The following FYN variants were observed in gnomAD, a reference collection of about 807,000 sequenced individuals.
FYN encodes the protein tyrosine-protein kinase Fyn.
Under a neutral mutation model 70.2 loss-of-function variants are expected in FYN, and 10 were observed. The ratio of observed to expected loss-of-function variants is 0.14; its 90% CI spans 0.09 to 0.24. The LOEUF is 0.24. Among genes scored for constraint, FYN ranks in the 10% least tolerant of loss-of-function variants. FYN has a pLI of 1.00. For synonymous variants in FYN, 236 were observed against 248.6 expected, an observed-to-expected ratio of 0.95 and a Z score of 0.48; for missense variants, 319 against 673.1, an observed-to-expected ratio of 0.47 and a Z score of 5.82.
intron 3 of FYN, among the ~76,000 whole-genome samples, chr6:111,725,266 G>A (rs1263309672): frequency 6.6e-6 from 1 of 152,182 alleles, no homozygotes; most frequent in Non-Finnish European, 1.5e-5. Flanking sequence ...TCATTACTGG[G>A]AGCAGAAGGA....
intron 2 of FYN, among the ~76,000 whole-genome samples, chr6:111,843,690 C>G (rs1430626453): frequency 6.6e-6 from 1 of 152,164 alleles, no homozygotes; most frequent in Non-Finnish European, 1.5e-5. Context: ...TCCACTCATT[C>G]ATGCCTGCTC....
chr6:111,812,340 A>T (rs1772351932), intron 2 of FYN, among the ~76,000 whole-genome samples: 1 of 152,164 alleles, frequency 6.6e-6, no homozygotes, highest in Non-Finnish European at 1.5e-5. Context: ...GGACTCTTTC[A>T]TCTAAATGGA....
intron 13 of FYN, among the ~76,000 whole-genome samples, chr6:111,667,301 T>C (rs1798054637): frequency 6.6e-6 from 1 of 152,210 alleles, no homozygotes; most frequent in Admixed American, 6.5e-5. Context: ...TGCAGTGGCA[T>C]GATCATGGCT....
intron 1 of FYN, among the ~76,000 whole-genome samples, chr6:111,866,795 TC>T (rs1297930071): frequency 1.3e-5 from 2 of 152,224 alleles, no homozygotes; most frequent in Non-Finnish European, 2.9e-5. Flanking sequence ...TCTCTAAGAT[TC>T]CATGGCCTGT....
intron 2 of FYN, among the ~76,000 whole-genome samples, chr6:111,841,709 A>G (rs954583857): frequency 9.9e-5 from 15 of 152,044 alleles, no homozygotes; most frequent in African/African-American, 2.9e-4. Flanking sequence ...CGCTGAAAAT[A>G]TTGTTATCTG....
intron 8 of FYN, among the ~76,000 whole-genome samples, chr6:111,701,825 C>T (rs189342046): frequency 1.3e-4 from 20 of 152,230 alleles, no homozygotes; most frequent in Non-Finnish European, 2.1e-4. Context: ...CCACATAAAC[C>T]GAGTTAGCCA....
At chr6:111,797,828 T>G (rs1450098523) in intron 2 of FYN, among the ~76,000 whole-genome samples, 1 of 151,868 alleles carries the variant, frequency 6.6e-6, no homozygotes, top group African/African-American at 2.4e-5. Context: ...AGTGGCACGA[T>G]CTTGGCTCAC....
chr6:111,707,933 G>C lies in FYN; in HGVS notation c.432C>G (p.Ile144Met). ...AAAATGAAACATACTCTTCTGCCTG[G>C]ATAGAGTCAACTGGAGCCACATAAT... ...PSNYVAPVDSIQAEEWYFGKL... is the reference protein window; with the variant it reads ...PSNYVAPVDSMQAEEWYFGKL... Residue 144 changes from isoleucine (I) to methionine (M), a missense_variant, in exon 6 of 14, where the codon ATC becomes ATG. By Grantham distance (10) the Ile-to-Met change is conservative. Around this residue, in one of 4 missense-constraint regions of FYN, gnomAD observed 128 missense variants for 183.9 expected, o/e 0.70. Coordinates refer to ENST00000354650, the MANE Select transcript of FYN (RefSeq NM_002037.5). 6.2e-7 allele frequency: 1 copy of C among 1,612,756 alleles called. No individual in the cohort carries two copies. Among genetic ancestry groups the C allele is most frequent in the Non-Finnish European group, 8.5e-7 (1 of 1,178,814 alleles).
intron 2 of FYN, among the ~76,000 whole-genome samples, chr6:111,781,439 G>A (rs1335165839): frequency 6.6e-6 from 1 of 152,130 alleles, no homozygotes; most frequent in African/African-American, 2.4e-5. Flanking sequence ...AACTCTCATG[G>A]CTGCACAAGG....
intron 3 of FYN, among the ~76,000 whole-genome samples, chr6:111,721,526 C>G (rs992039814): frequency 1.1e-4 from 17 of 152,090 alleles, no homozygotes; most frequent in African/African-American, 2.9e-4. Context: ...GCCTCAGCCT[C>G]ACAAGTAGCT....
intron 3 of FYN, among the ~76,000 whole-genome samples, chr6:111,725,854 T>C (rs1459487077): frequency 6.6e-6 from 1 of 152,146 alleles, no homozygotes; most frequent in Non-Finnish European, 1.5e-5. Context: ...AATGATGGGG[T>C]AGTCACTCCA....
At chr6:111,767,234 A>C (rs2128497574) in intron 3 of FYN, among the ~76,000 whole-genome samples, 1 of 152,300 alleles carries the variant, frequency 6.6e-6, no homozygotes, top group Admixed American at 6.5e-5. Flanking sequence ...AGGTATATTG[A>C]AAAACAAGAG....
chr6:111,732,582 AG>A (rs1177279566), intron 3 of FYN, among the ~76,000 whole-genome samples: 1 of 152,192 alleles, frequency 6.6e-6, no homozygotes, highest in Non-Finnish European at 1.5e-5. Context: ...CCATCATAAT[AG>A]CTTTAGTGAG....
chr6:111,744,473 T>G (rs1802119450), intron 3 of FYN, among the ~76,000 whole-genome samples: 1 of 152,218 alleles, frequency 6.6e-6, no homozygotes, highest in Non-Finnish European at 1.5e-5. Flanking sequence ...CTTCAGGCCT[T>G]AGGGAGGGCA....
chr6:111,671,081 T>C (rs1437401912), intron 13 of FYN, among the ~76,000 whole-genome samples: 1 of 152,188 alleles, frequency 6.6e-6, no homozygotes, highest in Non-Finnish European at 1.5e-5. Flanking sequence ...TGGAACTGCA[T>C]CCATACTTGT....
chr6:111,797,131 T>C (rs1046512096), intron 2 of FYN, among the ~76,000 whole-genome samples: 1 of 152,176 alleles, frequency 6.6e-6, no homozygotes, highest in Non-Finnish European at 1.5e-5. Context: ...GTCTCAGTAG[T>C]GGAGGATAGA....
chr6:111,743,962 CG>C (rs1253676872), intron 3 of FYN, among the ~76,000 whole-genome samples: 2 of 152,270 alleles, frequency 1.3e-5, no homozygotes, highest in South Asian at 2.1e-4. Flanking sequence ...GTCTCCAAGC[CG>C]ATGAGCTGTC....
chr6:111,829,384 C>T (rs534416991), intron 2 of FYN, among the ~76,000 whole-genome samples: 6 of 152,286 alleles, frequency 3.9e-5, no homozygotes, highest in South Asian at 2.1e-4. Context: ...TAATTAGAAA[C>T]ATTTGTAAAA....
chr6:111,665,136 A>G (rs1287476109), intron 13 of FYN, among the ~76,000 whole-genome samples: 1 of 152,160 alleles, frequency 6.6e-6, no homozygotes, highest in African/African-American at 2.4e-5. Flanking sequence ...AGTGTTTTAA[A>G]TTTCAGATTT....
Sources: allele counts gnomAD v4.1 joint callset (sites outside exome capture counted in the v4.1 genomes callset), GRCh38; gene constraint gnomAD v4.1.1; regional missense constraint gnomAD v4.1.1; transcripts MANE v1.5; gene names NCBI Gene and HGNC (gene_info 2026-07-23, HGNC 2026-07-21).